ARHGEF10: variants seen among roughly 807,000 people sequenced by gnomAD.
ARHGEF10 encodes the protein Rho guanine nucleotide exchange factor 10.
In ARHGEF10, 140 loss-of-function variants were observed where a neutral mutation model predicts 147.4. The observed-to-expected ratio is 0.95, with a 90% CI of 0.83 to 1.09. The LOEUF is 1.09. Ranked by LOEUF, ARHGEF10 falls within the 50% of genes least tolerant of loss-of-function variation. The pLI is 0.00. For synonymous variants in ARHGEF10, 902 were observed against 695.8 expected (o/e 1.30, Z -4.67); for missense variants, 2,222 against 1,752.7 (o/e 1.27, Z -4.78).
chr8:1,885,895 G>A (rs994427564), intron 11 of ARHGEF10, among the ~76,000 whole-genome samples, 188 bp downstream of exon 11: 10 of 152,348 alleles, frequency 6.6e-5, no homozygotes, highest in South Asian at 6.2e-4. Context: ...GGTCTGGGGG[G>A]ACGCTGGTCA....
intron 1 of ARHGEF10, among the ~76,000 whole-genome samples, chr8:1,839,332 CTGGTGTAGGGA>C (rs1162113834): frequency 7.6e-6 from 1 of 132,284 alleles, no homozygotes; most frequent in Non-Finnish European, 1.7e-5. Context: ...TGGGGACTGT[CTGGTGTAGGGA>C]CTGTCTGGTG....
intron 6 of ARHGEF10, 95 bp from the exon 7 acceptor site, chr8:1,869,099 A>C: frequency 8.6e-7 from 1 of 1,169,294 alleles, no homozygotes; most frequent in Non-Finnish European, 1.3e-6. Flanking sequence ...TTTTTGAATA[A>C]TCATGACATC....
At chr8:1,826,219 C>G in intron 1 of ARHGEF10, 1 of 1,238,940 alleles carries the variant, frequency 8.1e-7, no homozygotes, top group Non-Finnish European at 1.1e-6. Context: ...AAAAGTTATT[C>G]AGAATAGCTT....
At chr8:1,857,407 CTCTTGTTT>C (rs1338015406) in intron 2 of ARHGEF10, among the ~76,000 whole-genome samples, 2 of 150,528 alleles carry the variant, frequency 1.3e-5, no homozygotes, top group African/African-American at 4.9e-5. Context: ...CCCTTACTTT[CTCTTGTTT>C]TCTTTTCTTT....
chr8:1,837,833 G>C (rs542374440), intron 1 of ARHGEF10, among the ~76,000 whole-genome samples: 8 of 152,292 alleles, frequency 5.3e-5, no homozygotes, highest in South Asian at 2.1e-4. Context: ...TGTGACCTTT[G>C]TTTCTTCAGC....
At chr8:1,878,784 G>T (rs1268171875) in intron 8 of ARHGEF10, among the ~76,000 whole-genome samples, 1 of 152,194 alleles carries the variant, frequency 6.6e-6, no homozygotes, top group Non-Finnish European at 1.5e-5. Flanking sequence ...AGGAGCCCTT[G>T]ACTGTCTGGG....
At chr8:1,873,922 A>G (rs1282600385) in intron 7 of ARHGEF10, among the ~76,000 whole-genome samples, 1 of 151,994 alleles carries the variant, frequency 6.6e-6, no homozygotes, top group African/African-American at 2.4e-5. Context: ...TTCAGCACGT[A>G]GGACTGAGTG....
At chr8:1,881,622 C>T (rs1808205232) in intron 9 of ARHGEF10, among the ~76,000 whole-genome samples, 2 of 152,180 alleles carry the variant, frequency 1.3e-5, no homozygotes, top group Admixed American at 6.5e-5. Context: ...GCAGGCGACG[C>T]GGGTGTGAGG....
chr8:1,907,520 C>A (rs572678509), intron 17 of ARHGEF10, among the ~76,000 whole-genome samples: 1 of 152,242 alleles, frequency 6.6e-6, no homozygotes, highest in East Asian at 1.9e-4. Context: ...TTGTCTGACA[C>A]TGACTGCTGC....
upstream of ARHGEF10, among the ~76,000 whole-genome samples, chr8:1,823,705 G>A (rs1295257348): frequency 6.6e-6 from 1 of 151,950 alleles, no homozygotes; most frequent in East Asian, 2.0e-4. Context: ...TGATCCGGGG[G>A]CGGGAGCCTC....
At chr8:1,952,958 T>C in intron 28 of ARHGEF10, 131 bp downstream of exon 28, 1 of 1,320,208 alleles carries the variant, frequency 7.6e-7, no homozygotes. Context: ...TTCAGTGTAT[T>C]ATAATGACTT....
At chr8:1,916,122 C>T (rs1411962072) in intron 18 of ARHGEF10, among the ~76,000 whole-genome samples, 2 of 152,222 alleles carry the variant, frequency 1.3e-5, no homozygotes, top group Non-Finnish European at 2.9e-5. Flanking sequence ...GCAGCTGGCA[C>T]ATGTCCCTAA....
chr8:1,933,797 A>G lies in ARHGEF10; in HGVS notation c.3080-3A>G. 1 of 1,614,204 alleles carries G rather than the reference A, an allele frequency of 6.2e-7. No individual in the cohort carries two copies. The highest frequency in any genetic ancestry group is 8.5e-7 in the Non-Finnish European group (1 of 1,180,030). ...TGAATGAAATGAAATATTTTCTTTT[A>G]AGATGGATCCTGGGATTCAGAACCT... On this transcript the variant is annotated splice_polypyrimidine_tract_variant and splice_region_variant and intron_variant, in intron 25 of 28. Coordinates refer to ENST00000349830, the MANE Select transcript of ARHGEF10 (RefSeq NM_014629.4).
At chr8:1,936,469 T>C (rs907248349) in intron 26 of ARHGEF10, among the ~76,000 whole-genome samples, 2 of 152,080 alleles carry the variant, frequency 1.3e-5, no homozygotes, top group Non-Finnish European at 2.9e-5. Flanking sequence ...AAGATCGCAC[T>C]GCTATACTCC....
intron 5 of ARHGEF10, among the ~76,000 whole-genome samples, chr8:1,865,474 A>AG (rs1191106208): frequency 8.6e-5 from 13 of 151,398 alleles, no homozygotes; most frequent in Admixed American, 8.5e-4. Context: ...CCCAGCACCC[A>AG]GGGGGCCATC....
At position 1,894,536 on chromosome 8, in the gene ARHGEF10, C is replaced by T. The variant is rs1485460133; in HGVS notation, c.1404C>T (p.Asp468=). ...IALASRVSEW[D]SVEMIGDVFV... ...TGGCCAGCCGCGTTTCCGAGTGGGA[C>T]TCCGTGGAAATGATAGGCGATGTCT... Residue 468 remains aspartate (D), a synonymous_variant, in exon 13 of 29, where the codon GAC becomes GAT. Transcript: ENST00000349830. 1.9e-6 allele frequency: 3 copies of T among 1,614,048 alleles called. No homozygotes were observed. The highest frequency in any genetic ancestry group is 1.6e-4 in the Middle Eastern group (1 of 6,082).
At chr8:1,842,268 G>A (rs1451188672) in intron 1 of ARHGEF10, among the ~76,000 whole-genome samples, 1 of 152,034 alleles carries the variant, frequency 6.6e-6, no homozygotes, top group South Asian at 2.1e-4. Flanking sequence ...TGGGGGCAGG[G>A]TCCCACTGCC....
chr8:1,844,186 G>C (rs1256855221), intron 2 of ARHGEF10, among the ~76,000 whole-genome samples: 2 of 152,166 alleles, frequency 1.3e-5, no homozygotes, highest in Admixed American at 6.5e-5. Context: ...TGGGCTCCAG[G>C]CCCCTTGGCA....
chr8:1,850,928 G>A (rs1450525170), intron 2 of ARHGEF10, among the ~76,000 whole-genome samples: 1 of 152,086 alleles, frequency 6.6e-6, no homozygotes, highest in African/African-American at 2.4e-5. Flanking sequence ...ATCTTACTGA[G>A]CGAGAGAAGC....
Sources: gnomAD v4.1 joint callset for allele counts (sites outside exome capture counted in the v4.1 genomes callset) on GRCh38, gnomAD v4.1.1 for gene constraint, MANE v1.5 for transcripts, NCBI Gene and HGNC (gene_info 2026-07-23, HGNC 2026-07-21) for gene names.